Variants in KCNQ5 observed in about 807,000 individuals in gnomAD.
KCNQ5 encodes potassium voltage-gated channel subfamily KQT member 5.
Under a neutral mutation model 98.2 loss-of-function variants are expected in KCNQ5, and 30 were observed. That is an observed-to-expected ratio of 0.31 (90% CI 0.23 to 0.41). KCNQ5 has a LOEUF of 0.41. Among genes scored for constraint, KCNQ5 ranks in the 10% least tolerant of loss-of-function variants. KCNQ5 has a pLI of 1.00. For synonymous variants in KCNQ5, 458 were observed against 449.4 expected, an observed-to-expected ratio of 1.02 and a Z score of -0.24; for missense variants, 835 against 1,182.5, an observed-to-expected ratio of 0.71 and a Z score of 4.31.
intron 1 of KCNQ5, among the ~76,000 whole-genome samples, chr6:72,796,284 A>G (rs1373074468): frequency 1.3e-5 from 2 of 152,084 alleles, no homozygotes; most frequent in Non-Finnish European, 2.9e-5. Flanking sequence ...ATAATCTCCC[A>G]TTATTTGAGA....
intron 3 of KCNQ5, among the ~76,000 whole-genome samples, chr6:73,067,863 G>GATATATATATATAT (rs71695883): frequency 2.3e-4 from 1 of 4,386 alleles, no homozygotes; most frequent in African/African-American, 2.5e-4. Context: ...TTGGACAAAA[G>GATATATATATATAT]ATATATATAT....
intron 1 of KCNQ5, among the ~76,000 whole-genome samples, chr6:72,805,908 T>C (rs1225154177): frequency 6.6e-6 from 1 of 152,144 alleles, no homozygotes; most frequent in Non-Finnish European, 1.5e-5. Context: ...CTAGGTGTTT[T>C]ATTTTATTTG....
chr6:73,134,178 A>G (rs1776363959), intron 10 of KCNQ5: 1 of 268,466 alleles, frequency 3.7e-6, no homozygotes, highest in Middle Eastern at 8.7e-4. Flanking sequence ...AAGTCTTCCA[A>G]TGATAAGTAA....
intron 1 of KCNQ5, among the ~76,000 whole-genome samples, chr6:72,666,834 A>G (rs1418082804): frequency 1.3e-5 from 2 of 152,204 alleles, no homozygotes; most frequent in African/African-American, 2.4e-5. Flanking sequence ...AAGTATATTC[A>G]TGATATAATG....
chr6:73,076,434 T>C (rs1253853800), intron 3 of KCNQ5, among the ~76,000 whole-genome samples: 1 of 152,176 alleles, frequency 6.6e-6, no homozygotes, highest in Admixed American at 6.5e-5. Flanking sequence ...ACTTCACTTA[T>C]CCCACTTCAA....
At chr6:73,133,791 C>A (rs1776341255) in intron 10 of KCNQ5, 150 bp downstream of exon 10, 3 of 814,122 alleles carry the variant, frequency 3.7e-6, no homozygotes, top group South Asian at 1.6e-5. Flanking sequence ...GAAGTTTATT[C>A]ATTGCCTTGG....
intron 1 of KCNQ5, among the ~76,000 whole-genome samples, chr6:72,735,106 C>G (rs931167305): frequency 1.3e-5 from 2 of 152,150 alleles, no homozygotes; most frequent in African/African-American, 4.8e-5. Flanking sequence ...GAAAAAAATT[C>G]AAGATGCAAG....
chr6:73,078,779 G>A (rs1282746720), intron 5 of KCNQ5, among the ~76,000 whole-genome samples: 2 of 152,146 alleles, frequency 1.3e-5, no homozygotes, highest in Non-Finnish European at 2.9e-5. Context: ...TATGAAAAGA[G>A]CAGAGCCCCA....
At chr6:72,751,743 C>T (rs1771696718) in intron 1 of KCNQ5, among the ~76,000 whole-genome samples, 1 of 152,026 alleles carries the variant, frequency 6.6e-6, no homozygotes, top group Non-Finnish European at 1.5e-5. Context: ...TGTATCAATT[C>T]TATAATTTTG....
intron 1 of KCNQ5, among the ~76,000 whole-genome samples, chr6:72,685,562 C>T (rs1269279218): frequency 6.6e-6 from 1 of 152,190 alleles, no homozygotes; most frequent in African/African-American, 2.4e-5. Flanking sequence ...TATGCATTAT[C>T]ACTATGGATG....
chr6:72,896,545 G>C (rs1230044999), intron 1 of KCNQ5, among the ~76,000 whole-genome samples: 1 of 152,040 alleles, frequency 6.6e-6, no homozygotes, highest in African/African-American at 2.4e-5. Context: ...AGAGTCAGAA[G>C]GTCAGATATT....
In KCNQ5 at chr6:72,913,199, T is replaced by A. The variant is rs1780010517; in HGVS notation, c.399-90709T>A. Among the ~76,000 whole-genome samples the A allele has an allele frequency of 2.0e-5, 3 of 152,270 alleles. No homozygotes were observed. In the South Asian group the frequency reaches 6.2e-4, roughly 32 times the overall value. ...TTAGGTGTATCTTTCCAATTTCTAT[T>A]TTTTCACCACAAGTAGATTTCAGTA... is the stretch of plus-strand genomic sequence containing the variant. On this transcript the variant is annotated intron_variant, in intron 1 of 13. Transcript: ENST00000370398.
chr6:72,839,515 G>A (rs141522312), intron 1 of KCNQ5, among the ~76,000 whole-genome samples: 9 of 152,174 alleles, frequency 5.9e-5, no homozygotes, highest in South Asian at 4.2e-4. Flanking sequence ...GGGGACTCTG[G>A]ATTCTATTAC....
At chr6:72,801,238 C>G (rs1269265003) in intron 1 of KCNQ5, among the ~76,000 whole-genome samples, 1 of 148,468 alleles carries the variant, frequency 6.7e-6, no homozygotes, top group African/African-American at 2.5e-5. Context: ...TTAAAGTCTC[C>G]CATTATTATT....
At position 73,194,979 on chromosome 6, in the gene KCNQ5, G is replaced by C. The variant is rs777512845; in HGVS notation, c.2364G>C (p.Lys788Asn). 3.1e-6 allele frequency: 5 copies of C among 1,614,072 alleles called. No individual in the cohort carries two copies. The East Asian group carries it at 1.1e-4, about 36-fold the overall frequency. The change falls in exon 14 of 14, where the codon AAG becomes AAC. Residue 788 changes from lysine to asparagine, a missense_variant. By Grantham distance (94) the Lys-to-Asn change is moderately conservative. Around this residue, in one of 10 missense-constraint regions of KCNQ5, gnomAD observed 416 missense variants for 446.9 expected, o/e 0.93. Transcript: ENST00000370398. Reference sequence around the variant, plus strand: ...TCACCACCTGCCTTGTTGCCTCCAAGGAAAATGTTCAGGTTGCACAGTCAA... The same window carrying C: ...TCACCACCTGCCTTGTTGCCTCCAACGAAAATGTTCAGGTTGCACAGTCAA... ...SDVTTCLVASKENVQVAQSNL... is the reference protein window; with the variant it reads ...SDVTTCLVASNENVQVAQSNL...
At chr6:73,151,183 T>C (rs73458588) in intron 10 of KCNQ5, among the ~76,000 whole-genome samples, 2,792 of 152,304 alleles carry the variant, frequency 0.018, 81 homozygotes, top group African/African-American at 0.063. Context: ...TCAAATGATA[T>C]AAGCCCTTTG....
intron 1 of KCNQ5, among the ~76,000 whole-genome samples, chr6:72,693,357 A>G (rs903239662): frequency 3.3e-5 from 5 of 152,106 alleles, no homozygotes; most frequent in African/African-American, 9.7e-5. Context: ...GGAGTGCCAA[A>G]TCCTGTTAGG....
In KCNQ5 at chr6:72,726,216, T is replaced by G. The variant is rs1281086794; in HGVS notation, c.398+103629T>G. On this transcript the variant is annotated intron_variant, in intron 1 of 13. Transcript: ENST00000370398. ...CTGTTTTTTAAATTTAAATTTTTTT[T>G]TTTTTTTTTTTCGAGATGGAGTCTG... Among the ~76,000 whole-genome samples, 11 of 150,948 alleles carry G rather than the reference T, an allele frequency of 7.3e-5. No homozygotes were observed. The East Asian group carries it at 7.7e-4, about 11-fold the overall frequency.
At chr6:73,170,423 C>G (rs1777963461) in intron 11 of KCNQ5, among the ~76,000 whole-genome samples, 1 of 9,306 alleles carries the variant, frequency 1.1e-4, no homozygotes, top group South Asian at 1.8e-3. Context: ...TTTCCCACCA[C>G]ACACACACAC....
Sources: gnomAD v4.1 joint callset for allele counts (sites outside exome capture counted in the v4.1 genomes callset) on GRCh38, gnomAD v4.1.1 for gene constraint, gnomAD v4.1.1 regional missense constraint, MANE v1.5 for transcripts, NCBI Gene and HGNC (gene_info 2026-07-23, HGNC 2026-07-21) for gene names.